The following TMEM94 variants were observed in gnomAD, a reference collection of about 807,000 sequenced individuals.
TMEM94 encodes the protein ER Mg2+ ATPase.
TMEM94 carries 81 observed loss-of-function variants against 158.6 expected under a neutral mutation model. The observed-to-expected ratio is 0.51, with a 90% confidence interval of 0.43 to 0.61. The LOEUF is 0.61. TMEM94 is among the 20% of genes least tolerant of loss of function. The pLI is 0.00. For synonymous variants in TMEM94, 751 were observed against 730.7 expected, an observed-to-expected ratio of 1.03 and a Z score of -0.45; for missense variants, 1,435 against 1,762.0, an observed-to-expected ratio of 0.81 and a Z score of 3.32.
chr17:75,468,472 G>A (rs2050383817), intron 1 of TMEM94, among the ~76,000 whole-genome samples: 1 of 152,214 alleles, frequency 6.6e-6, no homozygotes, highest in Non-Finnish European at 1.5e-5. Context: ...TGGGGACCTT[G>A]AGCTGCAGTC....
At position 75,497,167 on chromosome 17, in the gene TMEM94, TGG is replaced by T. The variant is rs1365433398; in HGVS notation, c.3377_3378del (p.Trp1126SerfsTer20). The T allele has an allele frequency of 2.5e-6, 4 of 1,614,012 alleles. No homozygotes were observed. Among genetic ancestry groups the T allele is most frequent in the Non-Finnish European group, 3.4e-6 (4 of 1,179,982 alleles). ...ACTCCTGAGTACCACCGACATCCTG[TGG>T]CTGTCCTGCTTTTGCTACCCTCTGC... Reference protein sequence around the residue: ...PPLLSTTDILWLSCFCYPLLS... With the variant: ...PPLLSTTDILXLSCFCYPLLS... On this transcript the variant is annotated frameshift_variant, in exon 26 of 32. Coordinates refer to ENST00000314256, the MANE Select transcript of TMEM94 (RefSeq NM_014738.6). LOFTEE classifies it high-confidence loss of function.
At position 75,493,903 on chromosome 17, in the gene TMEM94, C is replaced by G; in HGVS notation, c.2394C>G (p.Ser798Arg). 1 of 1,611,848 alleles carries G rather than the reference C, an allele frequency of 6.2e-7. No individual in the cohort carries two copies. Among genetic ancestry groups the G allele is most frequent in the Non-Finnish European group, 8.5e-7 (1 of 1,179,934 alleles). The change falls in exon 18 of 32, where the codon AGC (serine) becomes AGG (arginine). Residue 798 changes from serine (S) to arginine (R), a missense_variant. This residue lies in a region of TMEM94 where 1,051 missense variants were observed against 1,254.4 expected (regional missense o/e 0.84). Transcript: ENST00000314256. Reference protein sequence around the residue: ...IPIKQNARRSSWSSDEGIGEV... With the variant: ...IPIKQNARRSRWSSDEGIGEV... ...TCAAGCAGAACGCCCGCCGCAGCAG[C>G]TGGAGCTCTGACGGTACCTCATGGG...
chr17:75,473,079 A>G (rs2050556485), intron 2 of TMEM94, among the ~76,000 whole-genome samples: 2 of 152,160 alleles, frequency 1.3e-5, no homozygotes, highest in Admixed American at 6.5e-5. Flanking sequence ...GAACTTCTGA[A>G]TAGTGATCTT....
At position 75,462,001 on chromosome 17, in the gene TMEM94, G is replaced by GTTTTTTTTTTTTT. The variant is rs1230233393; in HGVS notation, c.-107+5254_-107+5255insTTTTTTTTTTTTT. On this transcript the variant is annotated intron_variant, in intron 1 of 31. Coordinates refer to ENST00000314256, the MANE Select transcript of TMEM94 (RefSeq NM_014738.6). Reference sequence around the variant, plus strand: ...TAAATTTTACAGTTTTTTTTGTTTTGTTTTGTTTTGTTTTTTTTTTTTTTG... The same window carrying GTTTTTTTTTTTTT: ...TAAATTTTACAGTTTTTTTTGTTTTGTTTTTTTTTTTTTTTTTGTTTTGTTTTTTTTTTTTTTG... 3.0e-4 allele frequency among the ~76,000 whole-genome samples: 26 copies of GTTTTTTTTTTTTT among 85,662 alleles called. 5 individuals carry two copies. The highest frequency in any genetic ancestry group is 5.7e-4 in the African/African-American group (10 of 17,524). 56.2% of individuals were successfully genotyped at this position (85,662 alleles called of 152,430 possible).
chr17:75,465,679 A>ATATATATATATATATATATATTTT (rs1247855961), intron 1 of TMEM94, among the ~76,000 whole-genome samples: 1 of 124,846 alleles, frequency 8.0e-6, no homozygotes, highest in African/African-American at 3.5e-5. Context: ...ATATATATAT[A>ATATATATATATATATATATATTTT]TTTTTTTTTA....
In TMEM94 at chr17:75,494,610, G is replaced by A. The variant is rs781182792; in HGVS notation, c.2408-17G>A. The A allele has an allele frequency of 6.2e-7, 1 of 1,612,316 alleles. No homozygotes were observed. The highest frequency in any genetic ancestry group is 8.5e-7 in the Non-Finnish European group (1 of 1,179,350). On this transcript the variant is annotated splice_polypyrimidine_tract_variant and intron_variant, in intron 18 of 31. Coordinates refer to ENST00000314256, the MANE Select transcript of TMEM94 (RefSeq NM_014738.6). The stretch of plus-strand genomic sequence containing the variant: ...GGGTGTCCTGATCGGGCTGTGTCCT[G>A]TGTGTCCTGCCTGAAGAAGGGATCG...
Position 75,488,110 on chromosome 17 carries a change from G to A in TMEM94, c.588G>A (p.Ser196=), listed in dbSNP as rs772976476. Reference sequence around the variant, plus strand: ...TAGCTTTGAGGCCTGGCCAGGAATCGTTTGCTTCTCTGAGGGGGATCAAGG... The same window carrying A: ...TAGCTTTGAGGCCTGGCCAGGAATCATTTGCTTCTCTGAGGGGGATCAAGG... ...DIIALRPGQE[S]FASLRGIKDD... Residue 196 remains serine (S), a synonymous_variant, in exon 6 of 32, where the codon TCG becomes TCA. Coordinates refer to ENST00000314256, the MANE Select transcript of TMEM94 (RefSeq NM_014738.6). 3.7e-6 allele frequency: 6 copies of A among 1,614,086 alleles called. No homozygotes were observed. The East Asian group carries it at 6.7e-5, about 18-fold the overall frequency.
intron 2 of TMEM94, among the ~76,000 whole-genome samples, chr17:75,478,182 AT>A (rs58693188): frequency 1 from 130,667 of 130,678 alleles, 65,328 homozygotes; most frequent in Middle Eastern, 1. Flanking sequence ...CGCCCGGCTA[AT>A]TTTTTTTGTA....
rs761091151 is a variant in TMEM94, at chr17:75,497,191, C to G, written c.3400C>G (p.Leu1134Val). 27 of 1,613,668 alleles carry G rather than the reference C, an allele frequency of 1.7e-5. No individual in the cohort carries two copies. Among genetic ancestry groups the G allele is most frequent in the Non-Finnish European group, 2.3e-5 (27 of 1,179,672 alleles). ...GTGGCTGTCCTGCTTTTGCTACCCT[C>G]TGCTCAGGTGAGATGCCATGTATCT... is the stretch of plus-strand genomic sequence containing the variant. ...ILWLSCFCYPLLSISLLGKPP... is the reference protein window; with the variant it reads ...ILWLSCFCYPVLSISLLGKPP... Residue 1134 changes from leucine (L) to valine (V), a missense_variant, in exon 26 of 32, where the codon CTG (leucine) becomes GTG (valine). Around this residue, in one of 3 missense-constraint regions of TMEM94, gnomAD observed 335 missense variants for 409.1 expected, o/e 0.82. Transcript: ENST00000314256.
At chr17:75,473,579 C>T (rs2050571717) in intron 2 of TMEM94, among the ~76,000 whole-genome samples, 1 of 152,192 alleles carries the variant, frequency 6.6e-6, no homozygotes. Context: ...GCTGGGTGCT[C>T]TCTCCAGCCT....
intron 1 of TMEM94, among the ~76,000 whole-genome samples, chr17:75,470,721 C>G (rs1804626955): frequency 7.2e-6 from 1 of 138,894 alleles, no homozygotes; most frequent in African/African-American, 2.7e-5. Flanking sequence ...AAAAAAAAGT[C>G]CAGCCTGACC....
chr17:75,485,982 G>C lies in TMEM94; in HGVS notation c.256G>C (p.Gly86Arg). The C allele has an allele frequency of 6.2e-7, 1 of 1,611,498 alleles. No individual in the cohort carries two copies. Among genetic ancestry groups the C allele is most frequent in the East Asian group, 2.2e-5 (1 of 44,834 alleles). The change falls in exon 4 of 32, where the codon GGA becomes CGA. Residue 86 changes from glycine (G) to arginine (R), a missense_variant. Physicochemically the swap from Gly to Arg is moderately radical, Grantham distance 125. Coordinates refer to ENST00000314256, the MANE Select transcript of TMEM94 (RefSeq NM_014738.6). The surrounding 1 kb of genome is among the most constrained non-coding windows in gnomAD (Gnocchi z 5.5). ...GCTGCTGCTGCTGGGCTGCTGCGGG[G>C]GACAGCCAGCCGGGAGGTGTGCGCC... is the stretch of plus-strand genomic sequence containing the variant. ...AVLLLLGCCG[G>R]QPAGSRGVGL...
chr17:75,497,427 C>T (rs2052823613), intron 26 of TMEM94, among the ~76,000 whole-genome samples: 1 of 135,788 alleles, frequency 7.4e-6, no homozygotes, highest in Non-Finnish European at 1.5e-5. Context: ...AATCTCTGCT[C>T]ATTGCAACCT....
Position 75,494,903 on chromosome 17 carries a change from CA to C in TMEM94, c.2598del (p.Glu867LysfsTer41). 1 of 1,613,492 alleles carries C rather than the reference CA, an allele frequency of 6.2e-7. No homozygotes were observed. Among genetic ancestry groups the C allele is most frequent in the Non-Finnish European group, 8.5e-7 (1 of 1,179,992 alleles). ...GCCGTCTGCCTTTCACAGGTGTTTGCAGAAAAAATGGGCCTGGAGACAGGCT... is the reference window on the plus strand; with the variant it reads ...GCCGTCTGCCTTTCACAGGTGTTTGCGAAAAAATGGGCCTGGAGACAGGCT... Reference protein sequence around the residue: ...LEDELKSKVFAEKMGLETGWN... With the variant: ...LEDELKSKVFXEKMGLETGWN... On this transcript the variant is annotated frameshift_variant, in exon 20 of 32. Transcript: ENST00000314256. LOFTEE classifies it high-confidence loss of function.
chr17:75,465,674 TA>T (rs2050280132), intron 1 of TMEM94, among the ~76,000 whole-genome samples: 1 of 85,094 alleles, frequency 1.2e-5, no homozygotes, highest in Admixed American at 1.0e-4. Flanking sequence ...TATATATATA[TA>T]TATATTTTTT....
rs2052216980 is a variant in TMEM94 at position 75,491,813 on chromosome 17, C to T, written c.1509C>T (p.His503=). The T allele has an allele frequency of 1.9e-6, 3 of 1,614,126 alleles. No homozygotes were observed. Among genetic ancestry groups the T allele is most frequent in the African/African-American group, 2.7e-5 (2 of 75,066 alleles). ...AGCCCCCCGAGCCCTATTCACACCACAAAGCGCATGGCCGCAGCAAACACC... is the reference window on the plus strand; with the variant it reads ...AGCCCCCCGAGCCCTATTCACACCATAAAGCGCATGGCCGCAGCAAACACC... ...APKPPEPYSH[H]KAHGRSKHPS... is the part of the protein sequence containing the mutation. Residue 503 remains histidine (H), a synonymous_variant, in exon 14 of 32, where the codon CAC becomes CAT. Coordinates refer to ENST00000314256, the MANE Select transcript of TMEM94 (RefSeq NM_014738.6). This position sits in a 1 kb window ranked among gnomAD's most constrained non-coding sequence, Gnocchi z 5.1.
Position 75,487,561 on chromosome 17 carries a change from T to TA in TMEM94, c.410-370dup, listed in dbSNP as rs2051729273. ...TAGCCGTGTTTGCCTTGTTTGGCGT[T>TA]ATCTGTCCACATGTCTCATCTGCCC... On this transcript the variant is annotated intron_variant, in intron 5 of 31. Coordinates refer to ENST00000314256, the MANE Select transcript of TMEM94 (RefSeq NM_014738.6). The surrounding 1 kb of genome is among the most constrained non-coding windows in gnomAD (Gnocchi z 4.6). 6.6e-6 allele frequency among the ~76,000 whole-genome samples: 1 copy of TA among 152,336 alleles called. No homozygotes were observed. Among genetic ancestry groups the TA allele is most frequent in the Admixed American group, 6.5e-5 (1 of 15,302 alleles).
At chr17:75,476,442 C>T (rs2050694607) in intron 2 of TMEM94, 1 of 1,300,386 alleles carries the variant, frequency 7.7e-7, no homozygotes, top group African/African-American at 1.5e-5. Context: ...CCCGCCCTTC[C>T]AGGGCTGCTG....
chr17:75,491,519 A>G lies in TMEM94; in HGVS notation c.1386+64A>G. 6.2e-7 allele frequency: 1 copy of G among 1,610,726 alleles called. No individual in the cohort carries two copies. Among genetic ancestry groups the G allele is most frequent in the Non-Finnish European group, 8.5e-7 (1 of 1,177,800 alleles). The stretch of plus-strand genomic sequence containing the variant: ...TCTGGGCCAGGCTGTTTAGCCTTGG[A>G]GCCTGGCCAGGGAGGGTGAGGTTTC... On this transcript the variant is annotated intron_variant, in intron 13 of 31. Coordinates refer to ENST00000314256, the MANE Select transcript of TMEM94 (RefSeq NM_014738.6). The surrounding 1 kb of genome is among the most constrained non-coding windows in gnomAD (Gnocchi z 5.1).
Sources: allele counts gnomAD v4.1 joint callset (sites outside exome capture counted in the v4.1 genomes callset), GRCh38; gene constraint gnomAD v4.1.1; regional missense constraint gnomAD v4.1.1; non-coding constraint Gnocchi (gnomAD v3.1); transcripts MANE v1.5; gene names NCBI Gene and HGNC (gene_info 2026-07-23, HGNC 2026-07-21).